PDSS1: variants seen among roughly 807,000 people sequenced by gnomAD.
The protein encoded by PDSS1 is decaprenyl diphosphate synthase subunit 1, also known as all trans-polyprenyl-diphosphate synthase PDSS1.
Under a neutral mutation model 57.5 loss-of-function variants are expected in PDSS1, and 43 were observed. The ratio of observed to expected loss-of-function variants is 0.75; its 90% CI spans 0.59 to 0.96. The LOEUF (loss-of-function observed/expected upper bound fraction) is 0.96. Among genes scored for constraint, PDSS1 ranks in the 50% least tolerant of loss-of-function variants. The pLI, the probability that PDSS1 is intolerant of heterozygous loss-of-function variation, is 0.00. For missense variants in PDSS1, 438 were observed against 527.8 expected (o/e 0.83, Z 1.67); for synonymous variants, 175 against 191.3 (o/e 0.91, Z 0.70).
chr10:26,746,064 T>A (rs1836874695), intron 11 of PDSS1, among the ~76,000 whole-genome samples: 2 of 152,118 alleles, frequency 1.3e-5, no homozygotes. Context: ...TAAGTAAAAA[T>A]TAGGGGAAAA....
chr10:26,706,235 C>T (rs1034513772), intron 4 of PDSS1, among the ~76,000 whole-genome samples: 2 of 152,216 alleles, frequency 1.3e-5, no homozygotes, highest in African/African-American at 2.4e-5. Context: ...CGCCATTGCA[C>T]TCCAGCCTGA....
At chr10:26,731,587 G>A (rs1333258397) in intron 8 of PDSS1, among the ~76,000 whole-genome samples, 2 of 152,186 alleles carry the variant, frequency 1.3e-5, no homozygotes, top group African/African-American at 2.4e-5. Flanking sequence ...GGCACCACCA[G>A]ATTTCCCTCT....
Position 26,735,597 on chromosome 10 carries a change from C to T in PDSS1, c.1026+18C>T. The T allele has an allele frequency of 1.5e-6, 2 of 1,362,412 alleles. No individual in the cohort carries two copies. Among genetic ancestry groups the T allele is most frequent in the Non-Finnish European group, 2.1e-6 (2 of 950,090 alleles). The allele number at this position is 1,362,412 out of a possible 1,614,324, so 84.4% of individuals were successfully genotyped here. A position where few individuals can be genotyped will look rare whatever the true frequency, so the allele number is the denominator to read the frequency against. On this transcript the variant is annotated intron_variant, in intron 10 of 11. Coordinates refer to ENST00000376215, the MANE Select transcript of PDSS1 (RefSeq NM_014317.5). ...GTCAGCAGGTAGGTTTTACAAACTC[C>T]CTTTGACACATCACTGCATAGCCCC...
At chr10:26,735,371 A>AT (rs1836358969) in intron 9 of PDSS1, 51 bp downstream of exon 9, 3 of 1,406,610 alleles carry the variant, frequency 2.1e-6, no homozygotes, top group Non-Finnish European at 3.0e-6. Context: ...TACAGTCAGC[A>AT]TTCTCCCCTA....
chr10:26,730,982 C>G (rs891972630), intron 8 of PDSS1, among the ~76,000 whole-genome samples: 2 of 151,450 alleles, frequency 1.3e-5, no homozygotes, highest in African/African-American at 4.8e-5. Flanking sequence ...GCTGAGGCGG[C>G]CGAATCACGA....
Position 26,746,429 on chromosome 10 carries a change from G to A in PDSS1, c.1204G>A (p.Ala402Thr), listed in dbSNP as rs761681069. 9 of 1,613,798 alleles carry A rather than the reference G, an allele frequency of 5.6e-6. No individual in the cohort carries two copies. The Admixed American group carries it at 1.3e-4, about 24-fold the overall frequency. ...SKLRPSPERDALIQLSEIVLT... is the reference protein window; with the variant it reads ...SKLRPSPERDTLIQLSEIVLT... Reference sequence around the variant, plus strand: ...ACTTCGACCATCCCCAGAAAGAGATGCCCTCATTCAGCTTTCAGAAATTGT... The same window carrying A: ...ACTTCGACCATCCCCAGAAAGAGATACCCTCATTCAGCTTTCAGAAATTGT... The change falls in exon 12 of 12, where the codon GCC becomes ACC. Residue 402 changes from alanine to threonine, a missense_variant. Ala to Thr is a moderately conservative substitution (Grantham distance 58). Around this residue, in one of 2 missense-constraint regions of PDSS1, gnomAD observed 284 missense variants for 390.7 expected, o/e 0.73. Coordinates refer to ENST00000376215, the MANE Select transcript of PDSS1 (RefSeq NM_014317.5).
intron 10 of PDSS1, among the ~76,000 whole-genome samples, chr10:26,736,201 A>G (rs1301362606): frequency 2.0e-5 from 3 of 152,228 alleles, no homozygotes; most frequent in Non-Finnish European, 4.4e-5. Context: ...GGAAGCTTCA[A>G]AGATGTTCCC....
At chr10:26,739,695 T>A (rs553559024) in intron 10 of PDSS1, among the ~76,000 whole-genome samples, 15 of 152,210 alleles carry the variant, frequency 9.9e-5, no homozygotes, top group Admixed American at 2.0e-4. Flanking sequence ...CCAGTATTGG[T>A]ATGTGGTATT....
At chr10:26,709,426 TGGC>T (rs1010646463) in intron 4 of PDSS1, among the ~76,000 whole-genome samples, 1 of 151,930 alleles carries the variant, frequency 6.6e-6, no homozygotes, top group Non-Finnish European at 1.5e-5. Context: ...CCAGGCATTG[TGGC>T]GGGTGCTTGT....
intron 2 of PDSS1, among the ~76,000 whole-genome samples, chr10:26,703,522 A>T (rs1196399890): frequency 6.6e-6 from 1 of 152,194 alleles, no homozygotes; most frequent in Non-Finnish European, 1.5e-5. Flanking sequence ...TTCCATTAAG[A>T]TGCCCTTATT....
chr10:26,746,297 A>G (rs752287463), intron 11 of PDSS1, 36 bp from the exon 12 acceptor site: 2 of 1,611,654 alleles, frequency 1.2e-6, no homozygotes, highest in South Asian at 2.2e-5. Context: ...TCAGTCAGTG[A>G]CAGGCATCTG....
intron 8 of PDSS1, among the ~76,000 whole-genome samples, chr10:26,728,720 T>C (rs984164098): frequency 6.6e-6 from 1 of 151,886 alleles, no homozygotes; most frequent in East Asian, 1.9e-4. Context: ...TGGTATTCCA[T>C]TGTAAGGAAG....
chr10:26,709,645 T>A lies in PDSS1; in HGVS notation c.344T>A (p.Leu115His). The A allele has an allele frequency of 6.2e-7, 1 of 1,613,764 alleles. No individual in the cohort carries two copies. Among genetic ancestry groups the A allele is most frequent in the South Asian group, 1.1e-5 (1 of 91,076 alleles). The part of the protein sequence containing the change: ...GLYEDIRKEL[L>H]ISTSELKEMS... ...AGAGAAACTTTATTTCAGGAACTGC[T>A]TATATCAACATCAGAACTTAAGGAA... The change falls in exon 5 of 12, where the codon CTT (leucine) becomes CAT (histidine). Residue 115 changes from leucine (L) to histidine (H), a missense_variant. Physicochemically the swap from Leu to His is moderately conservative, Grantham distance 99. Coordinates refer to ENST00000376215, the MANE Select transcript of PDSS1 (RefSeq NM_014317.5).
Position 26,734,651 on chromosome 10 carries a change from T to C in PDSS1, c.832-589T>C, listed in dbSNP as rs115463684. 1,509 of 456,272 alleles carry C rather than the reference T, an allele frequency of 3.3e-3. 31 individuals are homozygous for C. The highest frequency in any genetic ancestry group is 0.027 in the African/African-American group (1,374 of 50,196). The allele number at this position is 456,272 out of a possible 1,614,324, so 28.3% of individuals were successfully genotyped here. A position where few individuals can be genotyped will look rare whatever the true frequency, so the allele number is the denominator to read the frequency against. On this transcript the variant is annotated intron_variant, in intron 8 of 11. Coordinates refer to ENST00000376215, the MANE Select transcript of PDSS1 (RefSeq NM_014317.5). Reference sequence around the variant, plus strand: ...GTTCCTTCCGATAATGAAAGAGCGATATCTGTGTCTGAAGCAGGAGGCTTG... The same window carrying C: ...GTTCCTTCCGATAATGAAAGAGCGACATCTGTGTCTGAAGCAGGAGGCTTG...
intron 4 of PDSS1, among the ~76,000 whole-genome samples, chr10:26,708,307 G>T (rs757547088): frequency 6.6e-6 from 1 of 152,198 alleles, no homozygotes; most frequent in African/African-American, 2.4e-5. Context: ...ACTTAGTCTT[G>T]GAGTGGCAGA....
chr10:26,734,909 G>C (rs778088219), intron 8 of PDSS1, among the ~76,000 whole-genome samples: 2 of 152,192 alleles, frequency 1.3e-5, no homozygotes, highest in East Asian at 3.8e-4. Context: ...TCTTTTGCAT[G>C]TCAAGAAGGT....
intron 4 of PDSS1, among the ~76,000 whole-genome samples, chr10:26,707,596 C>G (rs1257349876): frequency 1.3e-5 from 2 of 152,172 alleles, no homozygotes; most frequent in Non-Finnish European, 1.5e-5. Flanking sequence ...CCCTCCTTAT[C>G]CTGAGGCTTT....
chr10:26,705,813 C>G (rs1018540625), intron 4 of PDSS1, among the ~76,000 whole-genome samples: 1 of 152,160 alleles, frequency 6.6e-6, no homozygotes, highest in South Asian at 2.1e-4. Flanking sequence ...GACGTATGGT[C>G]AAGTTTCAAA....
At chr10:26,708,972 C>T (rs1220386073) in intron 4 of PDSS1, among the ~76,000 whole-genome samples, 1 of 152,182 alleles carries the variant, frequency 6.6e-6, no homozygotes, top group African/African-American at 2.4e-5. Context: ...AGCTGCGAAC[C>T]AGCCCCTGTT....
Sources: allele counts gnomAD v4.1 joint callset (sites outside exome capture counted in the v4.1 genomes callset), GRCh38; gene constraint gnomAD v4.1.1; regional missense constraint gnomAD v4.1.1; transcripts MANE v1.5; gene names NCBI Gene and HGNC (gene_info 2026-07-23, HGNC 2026-07-21).